NLGN4X: variants seen among roughly 807,000 people sequenced by gnomAD.
NLGN4X encodes the protein neuroligin-4, X-linked.
A neutral mutation model predicts 40.3 loss-of-function variants in NLGN4X; 3 were observed. That is an observed-to-expected ratio of 0.07 (90% CI 0.03 to 0.19). The LOEUF (loss-of-function observed/expected upper bound fraction) is 0.19. Among genes scored for constraint, NLGN4X ranks in the 10% least tolerant of loss-of-function variants. NLGN4X has a pLI of 1.00. For missense variants in NLGN4X, 382 were observed against 708.3 expected (o/e 0.54, Z 5.23); for synonymous variants, 270 against 306.8 (o/e 0.88, Z 1.25).
intron 2 of NLGN4X, among the ~76,000 whole-genome samples, chrX:6,087,436 T>C (rs1238514380): frequency 8.9e-6 from 1 of 112,112 alleles, no homozygotes; most frequent in Non-Finnish European, 1.9e-5. Context: ...ATGTGAATAT[T>C]ACTCTGTGTC....
intron 1 of NLGN4X, among the ~76,000 whole-genome samples, chrX:6,166,393 AC>A (rs1392407366): frequency 8.9e-6 from 1 of 111,954 alleles, no homozygotes; most frequent in Admixed American, 9.6e-5. Flanking sequence ...CACTGCACCA[AC>A]TTTAAATATT....
chrX:6,143,147 G>T (rs1479300618), intron 2 of NLGN4X, among the ~76,000 whole-genome samples: 1 of 112,173 alleles, frequency 8.9e-6, no homozygotes, highest in Non-Finnish European at 1.9e-5. Context: ...GTGCTTGTAC[G>T]TGCTGGCTAC....
Position 6,058,411 on chromosome X carries a change from T to G in NLGN4X, c.473-28979A>C, listed in dbSNP as rs763542372. ...CATTTAAAATTCCATGAAAATTAAT[T>G]ATCTCATCAAAAAACAAAAGCAACA... On this transcript the variant is annotated intron_variant, in intron 2 of 5. Transcript: ENST00000381095. 2.7e-3 allele frequency among the ~76,000 whole-genome samples: 305 copies of G among 112,090 alleles called. 3 individuals carry two copies. The highest frequency in any genetic ancestry group is 9.3e-3 in the Middle Eastern group (2 of 215).
At chrX:6,124,737 T>A (rs1177399058) in intron 2 of NLGN4X, among the ~76,000 whole-genome samples, 1 of 111,800 alleles carries the variant, frequency 8.9e-6, no homozygotes, top group Non-Finnish European at 1.9e-5. Flanking sequence ...CCCATACATG[T>A]GATCTGGTGG....
chrX:5,954,630 CTCTG>C (rs1490763450), intron 3 of NLGN4X, among the ~76,000 whole-genome samples: 18 of 91,382 alleles, frequency 2.0e-4, no homozygotes, highest in African/African-American at 7.4e-4. Context: ...CTCTCTCTGT[CTCTG>C]TCTCTCTCTC....
chrX:6,165,931 A>G lies in NLGN4X; in HGVS notation c.-305-14160T>C, dbSNP rs115752376. Among the ~76,000 whole-genome samples the G allele has an allele frequency of 7.8e-3, 867 of 111,672 alleles. 10 individuals are homozygous for G. The highest frequency in any genetic ancestry group is 0.027 in the African/African-American group (828 of 30,706). On this transcript the variant is annotated intron_variant, in intron 1 of 5. Transcript: ENST00000381095. ...GCAATATGTAATAATCACATCATGA[A>G]GAATGGGGTATCATACCCTCAAGCA... is the stretch of plus-strand genomic sequence containing the variant.
intron 1 of NLGN4X, among the ~76,000 whole-genome samples, chrX:6,204,054 G>A (rs1923840702): frequency 8.9e-6 from 1 of 112,223 alleles, no homozygotes; most frequent in Non-Finnish European, 1.9e-5. Flanking sequence ...AATCTTATCT[G>A]TGTTTCTATC....
intron 3 of NLGN4X, among the ~76,000 whole-genome samples, chrX:5,947,270 A>G (rs564890365): frequency 8.9e-6 from 1 of 112,153 alleles, no homozygotes; most frequent in Middle Eastern, 4.6e-3. Context: ...ACTGCTTTCC[A>G]CAATGGCTGA....
chrX:6,189,108 T>C (rs897992720), intron 1 of NLGN4X, among the ~76,000 whole-genome samples: 1 of 112,301 alleles, frequency 8.9e-6, no homozygotes, highest in African/African-American at 3.2e-5. Context: ...AACCTAGTAA[T>C]TGCAAACAAC....
intron 2 of NLGN4X, among the ~76,000 whole-genome samples, chrX:6,108,172 T>G (rs150867266): frequency 6.2e-4 from 69 of 111,911 alleles, no homozygotes; most frequent in African/African-American, 2.2e-3. Context: ...AAATAAAGAC[T>G]CAAAGTGAAT....
chrX:6,004,988 T>C, intron 3 of NLGN4X, among the ~76,000 whole-genome samples: 1 of 111,918 alleles, frequency 8.9e-6, no homozygotes, highest in Non-Finnish European at 1.9e-5. Context: ...TATTATCCCA[T>C]GTGCCTATCA....
chrX:5,989,055 G>T (rs970701319), intron 3 of NLGN4X, among the ~76,000 whole-genome samples: 1 of 104,911 alleles, frequency 9.5e-6, no homozygotes, highest in East Asian at 3.0e-4. Flanking sequence ...GCGACAGAGC[G>T]AGACTCTGTC....
intron 2 of NLGN4X, among the ~76,000 whole-genome samples, chrX:6,138,822 T>A (rs2039880399): frequency 9.0e-6 from 1 of 111,149 alleles, no homozygotes; most frequent in Admixed American, 9.7e-5. Flanking sequence ...AAAGTCTAAG[T>A]TGACTCTATC....
intron 1 of NLGN4X, among the ~76,000 whole-genome samples, chrX:6,172,945 C>T (rs1163484277): frequency 8.9e-6 from 1 of 112,349 alleles, no homozygotes; most frequent in Non-Finnish European, 1.9e-5. Flanking sequence ...AAGCTGATGG[C>T]TGTGAGTATG....
intron 1 of NLGN4X, among the ~76,000 whole-genome samples, chrX:6,175,895 G>T (rs2040723571): frequency 9.0e-6 from 1 of 110,732 alleles, no homozygotes; most frequent in African/African-American, 3.3e-5. Flanking sequence ...TTGGAGGGTA[G>T]ATCTTCATTC....
At chrX:6,046,852 C>CAT (rs1233745879) in intron 2 of NLGN4X, among the ~76,000 whole-genome samples, 25 of 75,570 alleles carry the variant, frequency 3.3e-4, no homozygotes, top group African/African-American at 8.2e-4. Flanking sequence ...ATTATAAACA[C>CAT]ATATATATAT....
chrX:6,024,757 T>A (rs1156861070), intron 3 of NLGN4X, among the ~76,000 whole-genome samples: 2 of 111,630 alleles, frequency 1.8e-5, no homozygotes, highest in African/African-American at 6.5e-5. Context: ...GAAGTTACCC[T>A]ATATGGTCTA....
chrX:6,169,432 A>ACTC (rs2040560951), intron 1 of NLGN4X, among the ~76,000 whole-genome samples: 2 of 113,012 alleles, frequency 1.8e-5, no homozygotes, highest in Admixed American at 1.9e-4. Flanking sequence ...AGGTGCCAAT[A>ACTC]CTCTTTAGTA....
chrX:6,216,757 A>C (rs1011554040), intron 1 of NLGN4X, among the ~76,000 whole-genome samples: 73 of 112,446 alleles, frequency 6.5e-4, no homozygotes, highest in African/African-American at 2.2e-3. Context: ...GAATAACACC[A>C]ATCAAATTCT....
Sources: gnomAD v4.1 joint callset for allele counts (sites outside exome capture counted in the v4.1 genomes callset) on GRCh38, gnomAD v4.1.1 for gene constraint, MANE v1.5 for transcripts, NCBI Gene and HGNC (gene_info 2026-07-23, HGNC 2026-07-21) for gene names.